DOCK6: variants seen among roughly 807,000 people sequenced by gnomAD.
DOCK6 encodes dedicator of cytokinesis 6.
DOCK6 carries 167 observed loss-of-function variants against 230.3 expected under a neutral mutation model. The ratio of observed to expected loss-of-function variants is 0.73; its 90% CI spans 0.64 to 0.82. DOCK6 has a LOEUF of 0.82. Among genes scored for constraint, DOCK6 ranks in the 40% least tolerant of loss-of-function variants. The pLI is 0.00. For missense variants in DOCK6, 2,598 were observed against 2,825.8 expected (o/e 0.92, Z 1.83); for synonymous variants, 1,148 against 1,185.0 (o/e 0.97, Z 0.64).
chr19:11,240,582 C>CTT lies in DOCK6; in HGVS notation c.1643+1461_1643+1462dup, dbSNP rs869249463. Among the ~76,000 whole-genome samples, 178 of 136,346 alleles carry CTT rather than the reference C, an allele frequency of 1.3e-3. 3 individuals carry two copies. The highest frequency in any genetic ancestry group is 4.2e-3 in the African/African-American group (156 of 36,990). 89.4% of individuals were successfully genotyped at this position (136,346 alleles called of 152,430 possible). On this transcript the variant is annotated intron_variant, in intron 14 of 47. Transcript: ENST00000294618. ...GCACACAGTTGGTGCTCAATAAATT[C>CTT]TTTTTTTTTTTTTTTTTGAGACAGA...
Position 11,242,131 on chromosome 19 carries a change from C to T in DOCK6, c.1557G>A (p.Lys519=). 1 of 1,506,084 alleles carries T rather than the reference C, an allele frequency of 6.6e-7. No individual in the cohort carries two copies. Among genetic ancestry groups the T allele is most frequent in the Non-Finnish European group, 8.8e-7 (1 of 1,130,088 alleles). The allele number at this position is 1,506,084 out of a possible 1,614,324, so 93.3% of individuals were successfully genotyped here. A position where few individuals can be genotyped will look rare whatever the true frequency, so the allele number is the denominator to read the frequency against. ...GCCGGCCCCTGGGGTCCGGGTAGGG[C>T]TTGATATGAAGCAGCTCAGGGGAGA... ...FCLSPELLHI[K]PYPDPRGRPT... The change falls in exon 14 of 48, where the codon AAG becomes AAA. Residue 519 remains lysine (K), a synonymous_variant. Coordinates refer to ENST00000294618, the MANE Select transcript of DOCK6 (RefSeq NM_020812.4).
chr19:11,252,744 G>T, intron 3 of DOCK6, 39 bp downstream of exon 3: 1 of 1,596,464 alleles, frequency 6.3e-7, no homozygotes, highest in Non-Finnish European at 8.6e-7. Context: ...CAGAGACAGA[G>T]TGGAATCACA....
chr19:11,215,804 G>A lies in DOCK6; in HGVS notation c.4018C>T (p.Arg1340Cys), dbSNP rs746343905. The change falls in exon 31 of 48, where the codon CGT (arginine) becomes TGT (cysteine). Residue 1340 changes from arginine to cysteine, a missense_variant. Coordinates refer to ENST00000294618, the MANE Select transcript of DOCK6 (RefSeq NM_020812.4). ...CGTGGGTATGTCACCCTCTTACCAC[G>A]ACTTCGCCGAACCATTTCTTGTCGA... The part of the protein sequence containing the change: ...GARQEMVRRS[R>C]ERSPFGNPEN... 20 of 1,613,816 alleles carry A rather than the reference G, an allele frequency of 1.2e-5. No individual in the cohort carries two copies. The highest frequency in any genetic ancestry group is 2.7e-5 in the African/African-American group (2 of 74,940).
At chr19:11,244,237 G>A (rs531846271) in intron 9 of DOCK6, among the ~76,000 whole-genome samples, 1 of 152,060 alleles carries the variant, frequency 6.6e-6, no homozygotes, top group South Asian at 2.1e-4. Flanking sequence ...TCAAACTCTT[G>A]GGCTCAAGTG....
Position 11,213,311 on chromosome 19 carries a change from G to A in DOCK6, c.4356C>T (p.Phe1452=), listed in dbSNP as rs566784377. The part of the protein sequence containing the change: ...ALVSKFPELL[F]EEDTELCADL... Reference sequence around the variant, plus strand: ...CGGCACACAGCTCCGTGTCCTCCTCGAACAGCAGCTCCGGGAACTGCCCCC... The same window carrying A: ...CGGCACACAGCTCCGTGTCCTCCTCAAACAGCAGCTCCGGGAACTGCCCCC... Residue 1452 remains phenylalanine, a synonymous_variant, in exon 35 of 48, where the codon TTC becomes TTT. Transcript: ENST00000294618. The A allele has an allele frequency of 1.2e-5, 20 of 1,611,796 alleles. No homozygotes were observed. Among genetic ancestry groups the A allele is most frequent in the Admixed American group, 6.7e-5 (4 of 59,956 alleles).
intron 22 of DOCK6, chr19:11,229,239 T>G (rs1413298057): frequency 7.6e-7 from 1 of 1,319,134 alleles, no homozygotes; most frequent in Non-Finnish European, 9.8e-7. Context: ...GGAGGAGCAC[T>G]GGACCCCTTT....
Position 11,200,710 on chromosome 19 carries a change from G to A in DOCK6, c.5939+6C>T, listed in dbSNP as rs200393834. On this transcript the variant is annotated splice_donor_region_variant and intron_variant, in intron 46 of 47. Coordinates refer to ENST00000294618, the MANE Select transcript of DOCK6 (RefSeq NM_020812.4). This position sits in a 1 kb window ranked among gnomAD's most constrained non-coding sequence, Gnocchi z 4.3. ...CGAGACCCCTCCTGGGGGGTTTTGC[G>A]CCTACTTCTTGCAGAAGTCCTTGAA... 2.5e-3 allele frequency: 4,092 copies of A among 1,609,868 alleles called. 10 individuals carry two copies. Among genetic ancestry groups the A allele is most frequent in the Non-Finnish European group, 3.2e-3 (3,761 of 1,178,228 alleles).
intron 28 of DOCK6, chr19:11,221,048 TCTC>T: frequency 6.6e-6 from 1 of 152,212 alleles, no homozygotes; most frequent in East Asian, 1.9e-4. Flanking sequence ...ATGGTCTCGA[TCTC>T]CTGACCTCGT....
chr19:11,256,575 G>T (rs914753594), intron 1 of DOCK6, among the ~76,000 whole-genome samples: 2 of 152,220 alleles, frequency 1.3e-5, no homozygotes, highest in Admixed American at 1.3e-4. Flanking sequence ...TTTGCACACA[G>T]TAAGTGCTCA....
In DOCK6 at chr19:11,237,798, G is replaced by C. The variant is rs188183013; in HGVS notation, c.1833-19C>G. 4,860 of 1,557,826 alleles carry C rather than the reference G, an allele frequency of 3.1e-3. 30 individuals carry two copies. The highest frequency in any genetic ancestry group is 0.022 in the Middle Eastern group (129 of 5,964). On this transcript the variant is annotated intron_variant, in intron 16 of 47. Coordinates refer to ENST00000294618, the MANE Select transcript of DOCK6 (RefSeq NM_020812.4). ...GGGGGACCTGGCAGAATCGGGCTGG[G>C]GGATCTGCTGGGGGCTGGGGTCCCC...
chr19:11,236,943 G>C lies in DOCK6; in HGVS notation c.2074-64C>G, dbSNP rs2079858565. On this transcript the variant is annotated intron_variant, in intron 18 of 47. Coordinates refer to ENST00000294618, the MANE Select transcript of DOCK6 (RefSeq NM_020812.4). The surrounding 1 kb of genome is among the most constrained non-coding windows in gnomAD (Gnocchi z 5.2). ...TCCCTGACTGATCAGGTCACCCAGC[G>C]GCCCCAGCCATTGCGACACTGCAGC... 8 of 1,492,802 alleles carry C rather than the reference G, an allele frequency of 5.4e-6. No individual in the cohort carries two copies. Among genetic ancestry groups the C allele is most frequent in the Non-Finnish European group, 7.2e-6 (8 of 1,107,556 alleles). The allele number at this position is 1,492,802 out of a possible 1,614,324, so 92.5% of individuals were successfully genotyped here.
At chr19:11,206,876 CTCTG>C (rs946279148) in intron 39 of DOCK6, among the ~76,000 whole-genome samples, 3 of 150,588 alleles carry the variant, frequency 2.0e-5, no homozygotes, top group Non-Finnish European at 4.4e-5. Flanking sequence ...CAGAGTCTTG[CTCTG>C]TCTGTCAGGC....
In DOCK6 at chr19:11,252,806, C is replaced by T. The variant is rs754908764; in HGVS notation, c.285G>A (p.Thr95=). The change falls in exon 3 of 48, where the codon ACG becomes ACA. Residue 95 remains threonine, a synonymous_variant. Transcript: ENST00000294618. ...LLLQPRECRT[T]EPGIPKDEKL... is the part of the protein sequence containing the mutation. ...ACTCATCCTTGGGGATCCCGGGCTC[C>T]GTGGTCCGGCATTCCCGGGGCTGCA... 21 of 1,612,186 alleles carry T rather than the reference C, an allele frequency of 1.3e-5. No individual in the cohort carries two copies. Among genetic ancestry groups the T allele is most frequent in the East Asian group, 6.7e-5 (3 of 44,848 alleles).
At chr19:11,238,351 G>T in intron 14 of DOCK6, 47 bp from the exon 15 acceptor site, 2 of 1,526,632 alleles carry the variant, frequency 1.3e-6, no homozygotes, top group Non-Finnish European at 8.9e-7. Context: ...GGCCCTGAAG[G>T]TGCACATACA....
chr19:11,213,052 G>T, intron 35 of DOCK6, 124 bp downstream of exon 35: 1 of 1,313,198 alleles, frequency 7.6e-7, no homozygotes, highest in Non-Finnish European at 1.0e-6. Context: ...TGCATTCTGA[G>T]CCCTCCTCCT....
intron 23 of DOCK6, among the ~76,000 whole-genome samples, chr19:11,228,436 G>A (rs1258505021): frequency 6.6e-6 from 1 of 151,920 alleles, no homozygotes; most frequent in Non-Finnish European, 1.5e-5. Context: ...TCTAAAGGTG[G>A]TTTCAGGTAC....
In DOCK6 at chr19:11,200,663, G is replaced by T. The variant is rs2079153493; in HGVS notation, c.5939+53C>A. On this transcript the variant is annotated intron_variant, in intron 46 of 47. Transcript: ENST00000294618. The surrounding 1 kb of genome is among the most constrained non-coding windows in gnomAD (Gnocchi z 4.3). ...CAGAGATCAGATGGGCAGAGAGCAG[G>T]CCTATGCAGGTTAGGCAGACACGAG... 1 of 1,538,482 alleles carries T rather than the reference G, an allele frequency of 6.5e-7. No homozygotes were observed. The highest frequency in any genetic ancestry group is 8.8e-7 in the Non-Finnish European group (1 of 1,133,700).
At position 11,208,945 on chromosome 19, in the gene DOCK6, T is replaced by TGGTCCTCGAGCAGGGCGA; in HGVS notation, c.4892_4909dup (p.Leu1631_Asp1636dup). 1 of 1,597,774 alleles carries TGGTCCTCGAGCAGGGCGA rather than the reference T, an allele frequency of 6.3e-7. No homozygotes were observed. Among genetic ancestry groups the TGGTCCTCGAGCAGGGCGA allele is most frequent in the South Asian group, 1.1e-5 (1 of 90,728 alleles). ...AACGCAGCCCACGGGCAGGTGGCGGTGGTCCTCGAGCAGGGCGAGGTACTC... is the reference window on the plus strand; with the variant it reads ...AACGCAGCCCACGGGCAGGTGGCGGTGGTCCTCGAGCAGGGCGAGGTCCTCGAGCAGGGCGAGGTACTC... On this transcript the variant is annotated inframe_insertion, in exon 38 of 48. Coordinates refer to ENST00000294618, the MANE Select transcript of DOCK6 (RefSeq NM_020812.4).
Position 11,238,188 on chromosome 19 carries a change from G to A in DOCK6, c.1760C>T (p.Pro587Leu), listed in dbSNP as rs748910971. The A allele has an allele frequency of 2.9e-5, 47 of 1,613,534 alleles. No individual in the cohort carries two copies. Among genetic ancestry groups the A allele is most frequent in the African/African-American group, 5.3e-5 (4 of 74,898 alleles). ...CTTCCCTGGGGCACAGCCACTGACC[G>A]GCAGAGCCTGGCTGGGGTCCTCGCC... ...MTGEDPSQAL[P>L]VIFGKSSCSE... Residue 587 changes from proline to leucine, a missense_variant and splice_region_variant, in exon 15 of 48, where the codon CCG (proline) becomes CTG (leucine). Transcript: ENST00000294618.
Sources: gnomAD v4.1 joint callset for allele counts (sites outside exome capture counted in the v4.1 genomes callset) on GRCh38, gnomAD v4.1.1 for gene constraint, Gnocchi (gnomAD v3.1) non-coding constraint, MANE v1.5 for transcripts, NCBI Gene and HGNC (gene_info 2026-07-23, HGNC 2026-07-21) for gene names.